Variants in NAV2 observed in about 807,000 individuals in gnomAD.
The protein encoded by NAV2 is helicase, APC down-regulated 1.
NAV2 carries 54 observed loss-of-function variants against 223.2 expected under a neutral mutation model. That is an observed-to-expected ratio of 0.24 (90% CI 0.19 to 0.30). The LOEUF is 0.30. NAV2 is among the 10% of genes least tolerant of loss of function. NAV2 has a pLI of 1.00. For missense variants in NAV2, 2,806 were observed against 3,147.5 expected (o/e 0.89, Z 2.60); for synonymous variants, 1,279 against 1,239.3 (o/e 1.03, Z -0.67).
At chr11:19,807,122 G>T (rs1158997539) in intron 1 of NAV2, among the ~76,000 whole-genome samples, 1 of 152,210 alleles carries the variant, frequency 6.6e-6, no homozygotes, top group African/African-American at 2.4e-5. Context: ...AGCCCGTGGA[G>T]TTTTCCTGCC....
intron 1 of NAV2, among the ~76,000 whole-genome samples, chr11:19,630,383 C>T (rs2047308738): frequency 2.0e-5 from 3 of 152,184 alleles, no homozygotes; most frequent in Admixed American, 2.0e-4. Context: ...TTTTTGTTTT[C>T]TCATGTGCAA....
At chr11:19,349,325 C>T (rs1370368636), upstream of NAV2, among the ~76,000 whole-genome samples, 2 of 152,002 alleles carry the variant, frequency 1.3e-5, no homozygotes, top group East Asian at 3.9e-4. Flanking sequence ...GCTAGTCCTT[C>T]TCCTCCTCCT....
At chr11:19,939,907 C>CT in intron 8 of NAV2, 134 bp downstream of exon 8, 5 of 387,396 alleles carry the variant, frequency 1.3e-5, no homozygotes, top group South Asian at 4.5e-5. Context: ...AACAAACTTT[C>CT]TTTCTTTTTT....
At chr11:19,756,559 ACCCAGCT>A (rs1043398124) in intron 1 of NAV2, among the ~76,000 whole-genome samples, 5 of 152,200 alleles carry the variant, frequency 3.3e-5, no homozygotes, top group African/African-American at 1.2e-4. Context: ...TTTCTTTCTC[ACCCAGCT>A]CCCTATGCCT....
intron 1 of NAV2, among the ~76,000 whole-genome samples, chr11:19,538,918 ATAATT>A (rs1294590171): frequency 6.9e-6 from 1 of 145,898 alleles, no homozygotes; most frequent in East Asian, 1.9e-4. Context: ...TCTTTCCACT[ATAATT>A]TAAAGGCCAC....
chr11:19,684,895 C>T (rs2048979323), intron 1 of NAV2, among the ~76,000 whole-genome samples: 3 of 152,202 alleles, frequency 2.0e-5, no homozygotes, highest in South Asian at 2.1e-4. Flanking sequence ...CATTATAACC[C>T]ATGGCCTCTC....
intron 1 of NAV2, among the ~76,000 whole-genome samples, chr11:19,671,065 C>A (rs865790401): frequency 8.5e-5 from 13 of 152,230 alleles, no homozygotes; most frequent in African/African-American, 2.9e-4. Context: ...GTGCACAGAG[C>A]AGGCTGGAGC....
intron 2 of NAV2, among the ~76,000 whole-genome samples, chr11:19,839,808 T>C (rs2060416306): frequency 1.3e-5 from 2 of 152,266 alleles, no homozygotes; most frequent in South Asian, 4.1e-4. Context: ...GGCAGGTTAC[T>C]GCATTAGTGG....
intron 25 of NAV2, among the ~76,000 whole-genome samples, chr11:20,081,708 C>G (rs759528790): frequency 1.3e-5 from 2 of 152,038 alleles, no homozygotes; most frequent in Non-Finnish European, 2.9e-5. Context: ...ATAGATGAAA[C>G]CTGTTGATGG....
At chr11:19,520,672 C>T (rs1590395368) in intron 1 of NAV2, among the ~76,000 whole-genome samples, 1 of 152,182 alleles carries the variant, frequency 6.6e-6, no homozygotes, top group Non-Finnish European at 1.5e-5. Context: ...TAAGGCCTCT[C>T]ATAGAGGACA....
chr11:19,738,778 T>C (rs2052550147), intron 1 of NAV2, among the ~76,000 whole-genome samples: 1 of 152,214 alleles, frequency 6.6e-6, no homozygotes, highest in Non-Finnish European at 1.5e-5. Flanking sequence ...AGGCTTCTGC[T>C]GCTCTGATGT....
At chr11:20,031,679 A>T (rs953304470) in intron 11 of NAV2, among the ~76,000 whole-genome samples, 1 of 152,110 alleles carries the variant, frequency 6.6e-6, no homozygotes, top group Non-Finnish European at 1.5e-5. Context: ...GGGAAGTGAG[A>T]ATCAAGTAGC....
intron 10 of NAV2, among the ~76,000 whole-genome samples, chr11:19,964,658 G>A (rs973510442): frequency 2.0e-5 from 3 of 151,732 alleles, no homozygotes; most frequent in African/African-American, 7.3e-5. Context: ...ACCACACCCA[G>A]CTAATTTTTT....
chr11:20,103,489 C>T lies in NAV2; in HGVS notation c.6572+80C>T, dbSNP rs1023932909. The stretch of plus-strand genomic sequence containing the variant: ...TGGGGCACTGTGCACACAGGTGGCC[C>T]GGGGCCGTTGTGGGAGTGAAGCTGT... On this transcript the variant is annotated intron_variant, in intron 33 of 37. Transcript: ENST00000349880. 23 of 1,550,650 alleles carry T rather than the reference C, an allele frequency of 1.5e-5. No individual in the cohort carries two copies. The Admixed American group carries it at 2.4e-4, about 16-fold the overall frequency.
intron 30 of NAV2, 121 bp from the exon 31 acceptor site, chr11:20,097,456 A>C (rs187540949): frequency 2.4e-6 from 2 of 845,278 alleles, no homozygotes; most frequent in Admixed American, 7.1e-5. Flanking sequence ...CCACAGCTCA[A>C]TTTCAACTCA....
At chr11:19,860,560 C>G (rs1301422803) in intron 3 of NAV2, among the ~76,000 whole-genome samples, 3 of 150,726 alleles carry the variant, frequency 2.0e-5, no homozygotes, top group African/African-American at 7.3e-5. Context: ...GGCAGCCAGG[C>G]AGAGGGGCTC....
At chr11:19,491,955 A>AAGAGAGAG (rs150403869) in intron 1 of NAV2, among the ~76,000 whole-genome samples, 1 of 120,856 alleles carries the variant, frequency 8.3e-6, no homozygotes, top group African/African-American at 3.1e-5. Context: ...GGGAGACTCA[A>AAGAGAGAG]AGAGAGAGAG....
At chr11:19,910,255 T>C (rs894837934) in intron 6 of NAV2, among the ~76,000 whole-genome samples, 2 of 152,238 alleles carry the variant, frequency 1.3e-5, no homozygotes, top group African/African-American at 4.8e-5. Context: ...CCTCATGCTA[T>C]CATACAAGCT....
chr11:20,096,613 CA>C (rs1418772012), intron 30 of NAV2, among the ~76,000 whole-genome samples: 12 of 152,192 alleles, frequency 7.9e-5, no homozygotes, highest in African/African-American at 2.9e-4. Context: ...GGTCTGACTT[CA>C]AAACCTAACT....
Sources: allele counts gnomAD v4.1 joint callset (sites outside exome capture counted in the v4.1 genomes callset), GRCh38; gene constraint gnomAD v4.1.1; transcripts MANE v1.5; gene names NCBI Gene and HGNC (gene_info 2026-07-23, HGNC 2026-07-21).